CNOT4: variants seen among roughly 807,000 people sequenced by gnomAD.
CNOT4 encodes the protein CCR4-NOT transcription complex subunit 4, also known as CCR4-associated factor 4.
Under a neutral mutation model 73.8 loss-of-function variants are expected in CNOT4, and 8 were observed. The observed-to-expected ratio is 0.11, with a 90% confidence interval of 0.06 to 0.20. The LOEUF (loss-of-function observed/expected upper bound fraction) is 0.20. Ranked by LOEUF, CNOT4 falls within the 10% of genes least tolerant of loss-of-function variation. The pLI, the probability that CNOT4 is intolerant of heterozygous loss-of-function variation, is 1.00. For synonymous variants in CNOT4, 293 were observed against 321.1 expected (o/e 0.91, Z 0.94); for missense variants, 564 against 883.4 (o/e 0.64, Z 4.58).
intron 2 of CNOT4, among the ~76,000 whole-genome samples, chr7:135,433,640 G>A (rs1032585346): frequency 7.2e-5 from 11 of 152,028 alleles, no homozygotes; most frequent in African/African-American, 2.4e-4. Flanking sequence ...TTACAAGCAT[G>A]AGCCACCATG....
At position 135,393,901 on chromosome 7, in the gene CNOT4, GT is replaced by G. The variant is rs1190999973; in HGVS notation, c.1627+16del. 1 of 1,566,338 alleles carries G rather than the reference GT, an allele frequency of 6.4e-7. No individual in the cohort carries two copies. The highest frequency in any genetic ancestry group is 1.2e-5 in the South Asian group (1 of 84,392). On this transcript the variant is annotated intron_variant, in intron 10 of 11. Coordinates refer to ENST00000541284, the MANE Select transcript of CNOT4 (RefSeq NM_001190850.2). ...ATGAGTTATTCAAAAATTCTCAAAG[GT>G]TTTAAATGAACCTACCTGCTACAGG...
intron 7 of CNOT4, 22 bp downstream of exon 7, chr7:135,410,493 G>C: frequency 7.1e-7 from 1 of 1,416,228 alleles, no homozygotes; most frequent in Non-Finnish European, 9.4e-7. Context: ...TAAGATGTCT[G>C]ACTATCAATA....
intron 1 of CNOT4, among the ~76,000 whole-genome samples, chr7:135,463,498 A>AC (rs1554440465): frequency 1.4e-5 from 2 of 147,066 alleles, no homozygotes; most frequent in Non-Finnish European, 3.0e-5. Context: ...AGATCGCGCC[A>AC]TGCACTCCAG....
rs1185248269 is a variant in CNOT4, at chr7:135,361,994, T to C, written c.*891A>G. On this transcript the variant is annotated 3_prime_UTR_variant, in exon 12 of 12. Coordinates refer to ENST00000541284, the MANE Select transcript of CNOT4 (RefSeq NM_001190850.2). Reference sequence around the variant, plus strand: ...GCAGGCAAGGAGGTCAGAGATTTGCTCCCGATGGTGATCAGATGGCCCCAG... The same window carrying C: ...GCAGGCAAGGAGGTCAGAGATTTGCCCCCGATGGTGATCAGATGGCCCCAG... The C allele has an allele frequency of 1.3e-5, 2 of 152,658 alleles. No individual in the cohort carries two copies. Among genetic ancestry groups the C allele is most frequent in the African/African-American group, 4.8e-5 (2 of 41,436 alleles). 9.5% of individuals were successfully genotyped at this position (152,658 alleles called of 1,614,324 possible).
intron 1 of CNOT4, among the ~76,000 whole-genome samples, chr7:135,506,877 G>C (rs992333548): frequency 1.3e-5 from 2 of 151,310 alleles, no homozygotes; most frequent in Non-Finnish European, 2.9e-5. Flanking sequence ...GAAAAAGAAA[G>C]AAAAGAAAAT....
intron 5 of CNOT4, 56 bp from the exon 6 acceptor site, chr7:135,413,669 A>G (rs1238546642): frequency 7.2e-6 from 11 of 1,537,310 alleles, no homozygotes; most frequent in Non-Finnish European, 9.7e-6. Flanking sequence ...TGACAACACA[A>G]TGAGAATCTC....
chr7:135,477,296 T>C (rs978633349), intron 1 of CNOT4, among the ~76,000 whole-genome samples: 2 of 152,024 alleles, frequency 1.3e-5, no homozygotes, highest in African/African-American at 2.4e-5. Context: ...TGAGCTGGGA[T>C]TGCGCCACTG....
At chr7:135,396,339 G>C (rs1034121370) in intron 8 of CNOT4, among the ~76,000 whole-genome samples, 1 of 151,748 alleles carries the variant, frequency 6.6e-6, no homozygotes, top group Non-Finnish European at 1.5e-5. Flanking sequence ...GGATGGTCTC[G>C]ATCTCCTGAC....
chr7:135,502,648 C>G (rs973020974), intron 1 of CNOT4, among the ~76,000 whole-genome samples: 2 of 151,146 alleles, frequency 1.3e-5, no homozygotes, highest in African/African-American at 4.9e-5. Context: ...AACCCTGTCT[C>G]TACTAAAAAT....
chr7:135,496,385 G>A (rs1297723203), intron 1 of CNOT4, among the ~76,000 whole-genome samples: 1 of 151,998 alleles, frequency 6.6e-6, no homozygotes, highest in Non-Finnish European at 1.5e-5. Context: ...GAGCCACTGT[G>A]CCAGGCCAAC....
intron 10 of CNOT4, chr7:135,387,577 C>A: frequency 1.0e-6 from 1 of 975,206 alleles, no homozygotes; most frequent in Non-Finnish European, 1.2e-6. Context: ...CAAATTAAAG[C>A]ATACCTTTTA....
intron 2 of CNOT4, among the ~76,000 whole-genome samples, chr7:135,431,119 G>A (rs1336290373): frequency 2.6e-5 from 4 of 152,018 alleles, no homozygotes; most frequent in African/African-American, 9.7e-5. Context: ...TAAACAATTA[G>A]TTGGGCATGG....
At chr7:135,373,612 C>G (rs1795343373) in intron 10 of CNOT4, among the ~76,000 whole-genome samples, 1 of 152,188 alleles carries the variant, frequency 6.6e-6, no homozygotes, top group Non-Finnish European at 1.5e-5. Flanking sequence ...AAGTCTTGCT[C>G]TGTCACCTAG....
chr7:135,483,378 C>T (rs899666358), intron 1 of CNOT4, among the ~76,000 whole-genome samples: 2 of 151,478 alleles, frequency 1.3e-5, no homozygotes, highest in African/African-American at 4.9e-5. Flanking sequence ...TAAAAAATTA[C>T]AAACCACAAC....
chr7:135,394,273 G>T lies in CNOT4; in HGVS notation c.1272C>A (p.Ser424=), dbSNP rs756421110. Residue 424 remains serine, a synonymous_variant, in exon 10 of 12, where the codon TCC becomes TCA. Coordinates refer to ENST00000541284, the MANE Select transcript of CNOT4 (RefSeq NM_001190850.2). ...ALADLIEKEL[S]VQDQPSLSPT... ...GCGAAAGGGAAGGTTGGTCTTGAAC[G>T]GACAGTTCCTTCTCAATCAGGTCTG... is the stretch of plus-strand genomic sequence containing the variant. The T allele has an allele frequency of 8.1e-6, 13 of 1,614,034 alleles. No individual in the cohort carries two copies. The East Asian group carries it at 1.8e-4, about 22-fold the overall frequency.
intron 1 of CNOT4, among the ~76,000 whole-genome samples, chr7:135,476,196 G>A (rs1801983669): frequency 6.6e-6 from 1 of 152,132 alleles, no homozygotes; most frequent in Non-Finnish European, 1.5e-5. Context: ...TTCCTAACCA[G>A]TAGGGGCTGT....
intron 6 of CNOT4, among the ~76,000 whole-genome samples, chr7:135,410,943 T>C (rs1797558450): frequency 6.6e-6 from 1 of 151,856 alleles, no homozygotes; most frequent in Non-Finnish European, 1.5e-5. Context: ...GAAAAGCATA[T>C]TAAGGGAAGA....
intron 1 of CNOT4, among the ~76,000 whole-genome samples, chr7:135,452,275 A>AT (rs1800219773): frequency 1.3e-5 from 2 of 152,104 alleles, no homozygotes; most frequent in Non-Finnish European, 2.9e-5. Flanking sequence ...GTATCAAAGG[A>AT]CATGTAAGAA....
chr7:135,433,350 CTTTTTT>C (rs954189759), intron 2 of CNOT4, among the ~76,000 whole-genome samples: 2 of 114,450 alleles, frequency 1.7e-5, no homozygotes, highest in South Asian at 2.8e-4. Flanking sequence ...TCATCCTGTT[CTTTTTT>C]TTTTTTTTTT....
Sources: gnomAD v4.1 joint callset for allele counts (sites outside exome capture counted in the v4.1 genomes callset) on GRCh38, gnomAD v4.1.1 for gene constraint, MANE v1.5 for transcripts, NCBI Gene and HGNC (gene_info 2026-07-23, HGNC 2026-07-21) for gene names.